Variants in ZNF385C observed in about 807,000 individuals in gnomAD.
ZNF385C encodes CTD-2132N18.2.
In ZNF385C, 28 loss-of-function variants were observed where a neutral mutation model predicts 35.4. That is an observed-to-expected ratio of 0.79 (90% CI 0.59 to 1.08). The LOEUF is 1.08. Ranked by LOEUF, ZNF385C falls within the 50% of genes least tolerant of loss-of-function variation. The probability of loss-of-function intolerance (pLI) is 0.00; values close to 1 mark genes in which losing one functional copy is unlikely to be tolerated. For missense variants in ZNF385C, 605 were observed against 595.6 expected (o/e 1.02, Z -0.16); for synonymous variants, 248 against 248.2 (o/e 1.00, Z 0.01).
chr17:42,055,424 G>A (rs2053357962), intron 2 of ZNF385C, among the ~76,000 whole-genome samples: 1 of 151,930 alleles, frequency 6.6e-6, no homozygotes, highest in Non-Finnish European at 1.5e-5. Flanking sequence ...CCAATGGTCA[G>A]GGTCACACCT....
intron 2 of ZNF385C, among the ~76,000 whole-genome samples, chr17:42,056,579 T>C (rs750720551): frequency 1.3e-5 from 2 of 151,844 alleles, no homozygotes; most frequent in Admixed American, 6.6e-5. Context: ...CTGGGCAACA[T>C]AGCAAGACCT....
At chr17:42,065,250 T>G (rs76789460) in intron 1 of ZNF385C, 16,356 of 152,242 alleles carry the variant, frequency 0.11, 1,186 homozygotes, top group Middle Eastern at 0.26. Context: ...TTTGAAGAAA[T>G]GAACCCTCCT....
At chr17:42,027,445 C>T (rs1445339229) in intron 8 of ZNF385C, among the ~76,000 whole-genome samples, 173 bp downstream of exon 8, 4 of 151,986 alleles carry the variant, frequency 2.6e-5, no homozygotes, top group African/African-American at 7.3e-5. Context: ...CCCACCTCCC[C>T]GGAAATTCCT....
intron 5 of ZNF385C, among the ~76,000 whole-genome samples, chr17:42,029,848 A>T (rs1419393824): frequency 6.6e-6 from 1 of 152,016 alleles, no homozygotes; most frequent in South Asian, 2.1e-4. Flanking sequence ...AGACTGGGTG[A>T]CACAGCGAAA....
chr17:42,063,017 C>T lies in ZNF385C; in HGVS notation c.40G>A (p.Glu14Lys). The change falls in exon 2 of 9, where the codon GAG becomes AAG. Residue 14 changes from glutamate to lysine, a missense_variant. Transcript: ENST00000692273. ...PLSPPPPAEKETPISGAAECL... is the reference protein window; with the variant it reads ...PLSPPPPAEKKTPISGAAECL... ...TCAGCAGCTCCAGATATGGGGGTCT[C>T]CTTCTCAGCCGGTGGGGGTGGGCTC... The T allele has an allele frequency of 2.9e-6, 2 of 678,226 alleles. No homozygotes were observed. Among genetic ancestry groups the T allele is most frequent in the Non-Finnish European group, 5.3e-6 (2 of 374,438 alleles). 42.0% of individuals were successfully genotyped at this position (678,226 alleles called of 1,614,324 possible).
chr17:42,086,347 G>A (rs1056516872), intron 1 of ZNF385C, among the ~76,000 whole-genome samples: 6 of 151,890 alleles, frequency 4.0e-5, no homozygotes, highest in South Asian at 2.1e-4. Flanking sequence ...AGCTGAGATC[G>A]CTTCGGCCTG....
chr17:42,091,060 A>G (rs549528116), intron 1 of ZNF385C, among the ~76,000 whole-genome samples: 7 of 150,598 alleles, frequency 4.6e-5, no homozygotes, highest in Non-Finnish European at 7.4e-5. Flanking sequence ...GCTTGGGGGT[A>G]GGGGCTGGGA....
At chr17:42,045,438 C>A (rs1555656557) in intron 2 of ZNF385C, among the ~76,000 whole-genome samples, 1 of 152,220 alleles carries the variant, frequency 6.6e-6, no homozygotes, top group East Asian at 1.9e-4. Context: ...TGAACTGAGG[C>A]CCTGTGCTAA....
intron 2 of ZNF385C, among the ~76,000 whole-genome samples, chr17:42,054,582 C>CT (rs56706078): frequency 0.69 from 93,134 of 135,416 alleles, 32,373 homozygotes; most frequent in East Asian, 0.8. Context: ...ACTAGAACTT[C>CT]TTTTTTTTTT....
At position 42,029,693 on chromosome 17, in the gene ZNF385C, G is replaced by A. The variant is rs1187327897; in HGVS notation, c.677-620C>T. Among the ~76,000 whole-genome samples, 7 of 151,970 alleles carry A rather than the reference G, an allele frequency of 4.6e-5. No individual in the cohort carries two copies. The East Asian group carries it at 9.6e-4, about 21-fold the overall frequency. ...CACACCACTGCACTCCAGCCTGGGCGACAGAGTGAAACGCCATCTCAAAAA... is the reference window on the plus strand; with the variant it reads ...CACACCACTGCACTCCAGCCTGGGCAACAGAGTGAAACGCCATCTCAAAAA... On this transcript the variant is annotated intron_variant, in intron 5 of 8. Transcript: ENST00000692273.
chr17:42,068,472 A>G (rs782552938), intron 1 of ZNF385C, among the ~76,000 whole-genome samples: 1 of 152,122 alleles, frequency 6.6e-6, no homozygotes, highest in Non-Finnish European at 1.5e-5. Flanking sequence ...AACCCCATTT[A>G]TTGAGGGCTT....
chr17:42,040,211 C>T, intron 2 of ZNF385C: 7 of 1,231,584 alleles, frequency 5.7e-6, no homozygotes, highest in Non-Finnish European at 6.1e-6. Context: ...AGCGAAGGCC[C>T]GGGGTAGGAG....
At chr17:42,091,900 G>A (rs1409084298) in intron 1 of ZNF385C, among the ~76,000 whole-genome samples, 1 of 152,158 alleles carries the variant, frequency 6.6e-6, no homozygotes, top group Non-Finnish European at 1.5e-5. Flanking sequence ...GAAGGTAGAG[G>A]AGCTTTGGGT....
intron 2 of ZNF385C, among the ~76,000 whole-genome samples, chr17:42,044,382 C>T (rs1183792459): frequency 1.3e-5 from 2 of 150,054 alleles, no homozygotes; most frequent in East Asian, 2.0e-4. Context: ...TTTGGGAGGC[C>T]GAGGCAGGCA....
At chr17:42,039,924 C>A in intron 2 of ZNF385C, 1 of 1,231,286 alleles carries the variant, frequency 8.1e-7, no homozygotes, top group African/African-American at 1.5e-5. Context: ...GCGCCAAAGC[C>A]AAGGCGGCTA....
Position 42,027,061 on chromosome 17 carries a change from C to A in ZNF385C, c.1348G>T (p.Ala450Ser). ...ARFLPSPLPTAATAICALPGP... is the reference protein window; with the variant it reads ...ARFLPSPLPTSATAICALPGP... ...GGCAGAGCACAGATGGCAGTGGCTG[C>A]GGTGGGGAGCGGGCTGGGCAGGAAG... The change falls in exon 9 of 9, where the codon GCA becomes TCA. Residue 450 changes from alanine to serine, a missense_variant. Physicochemically the swap from Ala to Ser is moderately conservative, Grantham distance 99 (BLOSUM62 1). Transcript: ENST00000692273. 6.2e-7 allele frequency: 1 copy of A among 1,608,646 alleles called. No individual in the cohort carries two copies. Among genetic ancestry groups the A allele is most frequent in the Non-Finnish European group, 8.5e-7 (1 of 1,177,562 alleles).
chr17:42,068,936 C>T (rs1273484789), intron 1 of ZNF385C, among the ~76,000 whole-genome samples: 2 of 152,010 alleles, frequency 1.3e-5, no homozygotes, highest in East Asian at 1.9e-4. Flanking sequence ...CCCTGTGCCT[C>T]GCAGAGACGG....
intron 2 of ZNF385C, among the ~76,000 whole-genome samples, chr17:42,057,019 A>G (rs1343326991): frequency 1.3e-5 from 2 of 152,166 alleles, no homozygotes; most frequent in Non-Finnish European, 2.9e-5. Context: ...GCCTGTAGTC[A>G]CAGCTACTTA....
At chr17:42,037,966 G>A (rs1454649195) in intron 2 of ZNF385C, 81 bp from the exon 3 acceptor site, 2 of 1,542,710 alleles carry the variant, frequency 1.3e-6, no homozygotes, top group African/African-American at 1.4e-5. Context: ...TGGGCTTCTT[G>A]GGTGTGGAGC....
Sources: allele counts gnomAD v4.1 joint callset (sites outside exome capture counted in the v4.1 genomes callset), GRCh38; gene constraint gnomAD v4.1.1; transcripts MANE v1.5; gene names NCBI Gene and HGNC (gene_info 2026-07-23, HGNC 2026-07-21).